ELP2: variants seen among roughly 807,000 people sequenced by gnomAD.
ELP2 encodes the protein elongator acetyltransferase complex subunit 2.
Under a neutral mutation model 119.2 loss-of-function variants are expected in ELP2, and 90 were observed. The observed-to-expected ratio is 0.75, with a 90% confidence interval of 0.64 to 0.90. The LOEUF is 0.90. ELP2 is among the 40% of genes least tolerant of loss of function. The pLI is 0.00. For synonymous variants in ELP2, 339 were observed against 331.0 expected, an observed-to-expected ratio of 1.02 and a Z score of -0.26; for missense variants, 921 against 967.8, an observed-to-expected ratio of 0.95 and a Z score of 0.64.
intron 3 of ELP2, chr18:36,138,051 T>A: frequency 1.9e-6 from 1 of 523,818 alleles, no homozygotes; most frequent in Non-Finnish European, 3.4e-6. Flanking sequence ...GAATACCTAT[T>A]GTCTCCTCAG....
At chr18:36,132,820 T>C (rs2089681774) in intron 1 of ELP2, among the ~76,000 whole-genome samples, 1 of 151,978 alleles carries the variant, frequency 6.6e-6, no homozygotes, top group Non-Finnish European at 1.5e-5. Flanking sequence ...TGGAGGGCTT[T>C]TTTTTTTTTC....
intron 3 of ELP2, 191 bp from the exon 4 acceptor site, chr18:36,138,079 G>A: frequency 1.7e-6 from 1 of 577,144 alleles, no homozygotes; most frequent in Non-Finnish European, 3.1e-6. Context: ...TCCTAGATAT[G>A]AGATTGCTGT....
At chr18:36,173,116 C>A (rs1283912573) in intron 21 of ELP2, among the ~76,000 whole-genome samples, 3 of 152,176 alleles carry the variant, frequency 2.0e-5, no homozygotes, top group Non-Finnish European at 1.5e-5. Flanking sequence ...CATAGCCAAA[C>A]AAGTATGTTC....
intron 2 of ELP2, among the ~76,000 whole-genome samples, chr18:36,134,002 C>T (rs547018679): frequency 1.2e-4 from 18 of 146,674 alleles, no homozygotes; most frequent in South Asian, 2.1e-4. Flanking sequence ...CTCCGCCTCC[C>T]GGGTTCACAC....
At chr18:36,144,824 A>G (rs2090146673) in intron 8 of ELP2, 115 bp from the exon 9 acceptor site, 9 of 803,620 alleles carry the variant, frequency 1.1e-5, no homozygotes, top group South Asian at 3.0e-5. Flanking sequence ...AATCCCAACT[A>G]TCATATTTTG....
At chr18:36,131,099 A>G (rs1416289370) in intron 1 of ELP2, among the ~76,000 whole-genome samples, 1 of 152,184 alleles carries the variant, frequency 6.6e-6, no homozygotes, top group African/African-American at 2.4e-5. Flanking sequence ...GCTTGAGCTC[A>G]GAAGTTTGAG....
At chr18:36,158,687 C>T (rs1033202924) in intron 13 of ELP2, 148 bp from the exon 14 acceptor site, 2 of 608,182 alleles carry the variant, frequency 3.3e-6, no homozygotes, top group African/African-American at 3.7e-5. Context: ...TACGGGTAGA[C>T]ATCCACACAA....
intron 17 of ELP2, among the ~76,000 whole-genome samples, chr18:36,161,661 A>G (rs1281553594): frequency 6.6e-6 from 1 of 152,208 alleles, no homozygotes; most frequent in African/African-American, 2.4e-5. Context: ...AAACCCACAC[A>G]TTCGTCTTAA....
chr18:36,135,738 C>CATCT (rs1300911123), intron 2 of ELP2, among the ~76,000 whole-genome samples: 1 of 152,128 alleles, frequency 6.6e-6, no homozygotes, highest in Non-Finnish European at 1.5e-5. Flanking sequence ...GTTTAGCCTG[C>CATCT]ATCTAATCAT....
intron 1 of ELP2, 44 bp from the exon 2 acceptor site, chr18:36,133,194 G>T (rs765570747): frequency 2.1e-5 from 27 of 1,291,216 alleles, no homozygotes; most frequent in Non-Finnish European, 2.9e-5. Context: ...TAATTTTTCT[G>T]TAGGATAAAT....
intron 20 of ELP2, 70 bp from the exon 21 acceptor site, chr18:36,170,977 T>G (rs1469736110): frequency 2.6e-6 from 3 of 1,135,712 alleles, no homozygotes; most frequent in Admixed American, 3.5e-5. Context: ...GAAGAACTAC[T>G]TTAGAGCAAT....
chr18:36,141,719 G>A (rs550931871), intron 6 of ELP2, among the ~76,000 whole-genome samples: 3 of 147,570 alleles, frequency 2.0e-5, no homozygotes, highest in African/African-American at 7.5e-5. Context: ...TTGAGACAGA[G>A]TCTTGTTCTG....
At chr18:36,160,677 T>C (rs2090710115) in intron 16 of ELP2, among the ~76,000 whole-genome samples, 1 of 152,156 alleles carries the variant, frequency 6.6e-6, no homozygotes, top group Non-Finnish European at 1.5e-5. Flanking sequence ...GTTTAGATAC[T>C]GGCTGGTTGA....
chr18:36,171,310 C>T, intron 21 of ELP2, 150 bp downstream of exon 21: 2 of 676,616 alleles, frequency 3.0e-6, no homozygotes, highest in South Asian at 3.3e-5. Context: ...GAAATTGATA[C>T]ATGTGGTAAT....
At position 36,174,424 on chromosome 18, in the gene ELP2, C is replaced by G. The variant is rs1045470293; in HGVS notation, c.2325-61C>G. ...CATTTCAATTTTCAGGTTTTAACTT[C>G]CATTCATGTTTACACCATTAATTGG... On this transcript the variant is annotated intron_variant, in intron 21 of 21. Coordinates refer to ENST00000358232, the MANE Select transcript of ELP2 (RefSeq NM_018255.4). The G allele has an allele frequency of 4.6e-6, 7 of 1,521,130 alleles. No individual in the cohort carries two copies. The African/African-American group carries it at 8.2e-5, about 18-fold the overall frequency. The allele number at this position is 1,521,130 out of a possible 1,614,324, so 94.2% of individuals were successfully genotyped here.
In ELP2 at chr18:36,176,038, G is replaced by A. The variant is rs1237866441; in HGVS notation, c.*1397G>A. ...TATGTAATTTTAAAATTTTCAAGTAGCCACATAATAAAGGAAACAGGTGAA... is the reference window on the plus strand; with the variant it reads ...TATGTAATTTTAAAATTTTCAAGTAACCACATAATAAAGGAAACAGGTGAA... On this transcript the variant is annotated 3_prime_UTR_variant, in exon 22 of 22. Transcript: ENST00000358232. 6.6e-6 allele frequency: 1 copy of A among 151,948 alleles called. No homozygotes were observed. The highest frequency in any genetic ancestry group is 1.5e-5 in the Non-Finnish European group (1 of 68,014). The allele number at this position is 151,948 out of a possible 1,614,324, so 9.4% of individuals were successfully genotyped here.
At chr18:36,139,793 T>C (rs4578741) in intron 5 of ELP2, 30,644 of 403,156 alleles carry the variant, frequency 0.076, 1,391 homozygotes, top group East Asian at 0.14. Context: ...TTTTATCTTA[T>C]TAAAATAATT....
At chr18:36,174,418 T>C in intron 21 of ELP2, 67 bp from the exon 22 acceptor site, 1 of 1,497,380 alleles carries the variant, frequency 6.7e-7, no homozygotes, top group Admixed American at 1.9e-5. Flanking sequence ...TTTCAGGTTT[T>C]AACTTCCATT....
chr18:36,171,964 C>T (rs1396144678), intron 21 of ELP2, among the ~76,000 whole-genome samples: 1 of 152,196 alleles, frequency 6.6e-6, no homozygotes, highest in Non-Finnish European at 1.5e-5. Context: ...AAGCAATCCT[C>T]CTGTCTTGGC....
Sources: gnomAD v4.1 joint callset for allele counts (sites outside exome capture counted in the v4.1 genomes callset) on GRCh38, gnomAD v4.1.1 for gene constraint, MANE v1.5 for transcripts, NCBI Gene and HGNC (gene_info 2026-07-23, HGNC 2026-07-21) for gene names.